Variants in EDAR observed in about 807,000 individuals in gnomAD.
The protein encoded by EDAR is tumor necrosis factor receptor superfamily member EDAR.
In EDAR, 38 loss-of-function variants were observed where a neutral mutation model predicts 51.3. That is an observed-to-expected ratio of 0.74 (90% confidence interval 0.57 to 0.97). EDAR has a LOEUF of 0.97. EDAR is among the 50% of genes least tolerant of loss of function. EDAR has a pLI of 0.00. For synonymous variants in EDAR, 227 were observed against 242.1 expected, an observed-to-expected ratio of 0.94 and a Z score of 0.58; for missense variants, 528 against 595.0, an observed-to-expected ratio of 0.89 and a Z score of 1.17.
intron 1 of EDAR, among the ~76,000 whole-genome samples, chr2:108,954,309 T>C (rs1438936266): frequency 1.3e-5 from 2 of 152,204 alleles, no homozygotes; most frequent in African/African-American, 2.4e-5. Context: ...CCCCAAGATA[T>C]ATGGGCTGCC....
At chr2:108,955,449 CT>C (rs1697901494) in intron 1 of EDAR, among the ~76,000 whole-genome samples, 1 of 152,094 alleles carries the variant, frequency 6.6e-6, no homozygotes, top group Admixed American at 6.5e-5. Context: ...ACATATATAT[CT>C]TCTAAAATGA....
intron 6 of EDAR, 109 bp from the exon 7 acceptor site, chr2:108,911,181 AG>A: frequency 7.2e-7 from 1 of 1,388,116 alleles, no homozygotes; most frequent in Non-Finnish European, 1.0e-6. Flanking sequence ...GGATGCTTTC[AG>A]GGAACCCTGA....
At chr2:108,951,946 A>G (rs187646001) in intron 1 of EDAR, among the ~76,000 whole-genome samples, 12 of 152,370 alleles carry the variant, frequency 7.9e-5, no homozygotes, top group Admixed American at 2.0e-4. Flanking sequence ...ACACTCTTAC[A>G]GTCTAATAAG....
Position 108,918,569 on chromosome 2 carries a change from C to A in EDAR, c.442+4799G>T, listed in dbSNP as rs1697068784. On this transcript the variant is annotated intron_variant, in intron 5 of 11. Transcript: ENST00000258443. ...ACAGGCAAAAATGTCCTCACAAGGC[C>A]TATTTTAAAGTGAAAATGAGCGGGG... Among the ~76,000 whole-genome samples, 6 of 152,168 alleles carry A rather than the reference C, an allele frequency of 3.9e-5. 1 individual carries two copies. The South Asian group carries it at 1.2e-3, about 31-fold the overall frequency.
intron 1 of EDAR, among the ~76,000 whole-genome samples, chr2:108,961,066 T>C (rs1247213062): frequency 6.6e-6 from 1 of 152,162 alleles, no homozygotes; most frequent in Non-Finnish European, 1.5e-5. Context: ...AAATGAGTGG[T>C]GGGTGAGCAC....
At chr2:108,909,250 G>A (rs1696868748) in intron 9 of EDAR, among the ~76,000 whole-genome samples, 1 of 152,218 alleles carries the variant, frequency 6.6e-6, no homozygotes, top group Non-Finnish European at 1.5e-5. Context: ...AATATCAGAA[G>A]GGAGAGGCTG....
chr2:108,928,033 C>T (rs59329415), intron 4 of EDAR, among the ~76,000 whole-genome samples: 1 of 152,178 alleles, frequency 6.6e-6, no homozygotes, highest in South Asian at 2.1e-4. Context: ...GCATCCCTGG[C>T]TCAGCAGTCT....
chr2:108,905,821 T>G (rs950134370), intron 11 of EDAR, among the ~76,000 whole-genome samples: 3 of 151,322 alleles, frequency 2.0e-5, no homozygotes, highest in African/African-American at 7.4e-5. Context: ...GCCCAGGTTA[T>G]GGGGAGACAG....
intron 1 of EDAR, among the ~76,000 whole-genome samples, chr2:108,979,975 C>T (rs1189614063): frequency 1.4e-5 from 2 of 144,466 alleles, no homozygotes; most frequent in African/African-American, 5.0e-5. Context: ...AGTCTCCTGG[C>T]CTCTGCTTCT....
intron 1 of EDAR, among the ~76,000 whole-genome samples, chr2:108,961,024 G>A (rs1019789223): frequency 6.6e-6 from 1 of 152,190 alleles, no homozygotes; most frequent in Admixed American, 6.5e-5. Context: ...GAGTCCCAGT[G>A]GTAGAACTGT....
intron 5 of EDAR, among the ~76,000 whole-genome samples, chr2:108,921,801 C>T (rs2105428015): frequency 6.6e-6 from 1 of 152,368 alleles, no homozygotes; most frequent in Non-Finnish European, 1.5e-5. Flanking sequence ...CGCATCTCCC[C>T]ATTTCCCAGA....
intron 1 of EDAR, among the ~76,000 whole-genome samples, chr2:108,936,892 T>C (rs545379834): frequency 6.6e-6 from 1 of 152,248 alleles, no homozygotes; most frequent in Non-Finnish European, 1.5e-5. Flanking sequence ...CTTAGTGTCC[T>C]GCTGGCCTTG....
intron 1 of EDAR, among the ~76,000 whole-genome samples, chr2:108,973,725 C>G (rs556134072): frequency 6.6e-6 from 1 of 152,332 alleles, no homozygotes; most frequent in African/African-American, 2.4e-5. Context: ...GACTACAAAA[C>G]CTGGAAATTT....
intron 1 of EDAR, among the ~76,000 whole-genome samples, chr2:108,944,673 G>A (rs1407594906): frequency 6.6e-6 from 1 of 152,144 alleles, no homozygotes; most frequent in Non-Finnish European, 1.5e-5. Flanking sequence ...GCAAAACAAG[G>A]AGAGGCCCTG....
intron 1 of EDAR, among the ~76,000 whole-genome samples, chr2:108,979,621 G>A (rs1698388632): frequency 6.6e-6 from 1 of 152,144 alleles, no homozygotes; most frequent in South Asian, 2.1e-4. Flanking sequence ...GTGCAGGGCT[G>A]TGGAGAAGAG....
At chr2:108,910,048 C>T (rs539020837) in intron 9 of EDAR, among the ~76,000 whole-genome samples, 43 of 152,344 alleles carry the variant, frequency 2.8e-4, no homozygotes, top group African/African-American at 8.7e-4. Flanking sequence ...TGCTGTTAGC[C>T]GTCATCACCA....
chr2:108,899,076 A>G (rs1441585347), intron 11 of EDAR, among the ~76,000 whole-genome samples: 1 of 152,262 alleles, frequency 6.6e-6, no homozygotes, highest in Non-Finnish European at 1.5e-5. Flanking sequence ...CAAGAAGATA[A>G]GCAAATCCCA....
At chr2:108,950,275 CTTTCTTTTT>C (rs1214273334) in intron 1 of EDAR, among the ~76,000 whole-genome samples, 2 of 119,192 alleles carry the variant, frequency 1.7e-5, no homozygotes, top group African/African-American at 3.1e-5. Flanking sequence ...CTTTTTCTTT[CTTTCTTTTT>C]TTTCTTTTTT....
chr2:108,929,380 C>T lies in EDAR; in HGVS notation c.175-1G>A. 1 of 1,614,114 alleles carries T rather than the reference C, an allele frequency of 6.2e-7. No individual in the cohort carries two copies. Among genetic ancestry groups the T allele is most frequent in the Non-Finnish European group, 8.5e-7 (1 of 1,180,010 alleles). On this transcript the variant is annotated splice_acceptor_variant, in intron 3 of 11. Transcript: ENST00000258443. LOFTEE classifies it high-confidence loss of function. Reference sequence around the variant, plus strand: ...CGTCTTTGGTGCCGTAGCCACAGGACTGTCCAGGGAAAGAGGACAGGGGAC... The same window carrying T: ...CGTCTTTGGTGCCGTAGCCACAGGATTGTCCAGGGAAAGAGGACAGGGGAC...
Sources: allele counts gnomAD v4.1 joint callset (sites outside exome capture counted in the v4.1 genomes callset), GRCh38; gene constraint gnomAD v4.1.1; transcripts MANE v1.5; gene names NCBI Gene and HGNC (gene_info 2026-07-23, HGNC 2026-07-21).